The following CALN1 variants were observed in gnomAD, a reference collection of about 807,000 sequenced individuals.
CALN1 encodes the protein calcium-binding protein 8.
CALN1 carries 17 observed loss-of-function variants against 30.6 expected under a neutral mutation model. That is an observed-to-expected ratio of 0.56 (90% CI 0.38 to 0.83). CALN1 has a LOEUF of 0.83. Among genes scored for constraint, CALN1 ranks in the 40% least tolerant of loss-of-function variants. The pLI, the probability that CALN1 is intolerant of heterozygous loss-of-function variation, is 0.00. For synonymous variants in CALN1, 156 were observed against 131.4 expected (o/e 1.19, Z -1.28); for missense variants, 291 against 354.9 (o/e 0.82, Z 1.45).
chr7:72,016,909 T>C (rs1341857390), intron 5 of CALN1, among the ~76,000 whole-genome samples: 1 of 148,972 alleles, frequency 6.7e-6, no homozygotes, highest in Non-Finnish European at 1.5e-5. Context: ...TCCCAACACT[T>C]TGGGAGGCCA....
intron 5 of CALN1, among the ~76,000 whole-genome samples, chr7:71,921,842 C>G (rs548684804): frequency 6.6e-6 from 1 of 151,976 alleles, no homozygotes; most frequent in African/African-American, 2.4e-5. Context: ...CCGCCGCCAT[C>G]CTACCCCCTT....
At chr7:72,218,449 A>AAAAAT (rs1048591489) in intron 3 of CALN1, among the ~76,000 whole-genome samples, 4 of 151,990 alleles carry the variant, frequency 2.6e-5, no homozygotes, top group Non-Finnish European at 4.4e-5. Flanking sequence ...CTCCATCTCA[A>AAAAAT]AAAATAAAAT....
the CALN1 span, among the ~76,000 whole-genome samples, chr7:72,497,708 AG>A: frequency 6.6e-6 from 1 of 152,230 alleles, no homozygotes; most frequent in Admixed American, 6.5e-5. Context: ...CTTCAGAGGA[AG>A]ATAACAGAAT....
At chr7:72,357,403 CTTTT>C (rs112978174) in intron 2 of CALN1, among the ~76,000 whole-genome samples, 3 of 151,972 alleles carry the variant, frequency 2.0e-5, no homozygotes, top group African/African-American at 4.8e-5. Flanking sequence ...TGAGTCCCAG[CTTTT>C]TTATGGTGAA....
intron 4 of CALN1, among the ~76,000 whole-genome samples, chr7:72,064,363 C>T (rs7797779): frequency 0.45 from 68,908 of 151,730 alleles, 15,876 homozygotes; most frequent in East Asian, 0.65. Context: ...TCTATGACCC[C>T]CTCAAGGTGC....
At chr7:71,847,930 C>A (rs943553121) in intron 5 of CALN1, among the ~76,000 whole-genome samples, 10 of 151,970 alleles carry the variant, frequency 6.6e-5, no homozygotes, top group Non-Finnish European at 1.3e-4. Flanking sequence ...TGCCTTTTTT[C>A]TTCTGCCATG....
At chr7:71,888,698 C>T (rs899613464) in intron 5 of CALN1, among the ~76,000 whole-genome samples, 4 of 151,632 alleles carry the variant, frequency 2.6e-5, no homozygotes, top group African/African-American at 9.7e-5. Context: ...TAGGGTAGGT[C>T]GGTGGTTAAC....
intron 5 of CALN1, among the ~76,000 whole-genome samples, chr7:71,874,924 G>A (rs1325693409): frequency 1.3e-5 from 2 of 152,094 alleles, no homozygotes; most frequent in African/African-American, 4.8e-5. Flanking sequence ...CAGCACTTTG[G>A]GAGGCCGAGG....
intron 4 of CALN1, among the ~76,000 whole-genome samples, chr7:72,055,753 T>C (rs907853106): frequency 6.6e-6 from 1 of 152,210 alleles, no homozygotes; most frequent in Non-Finnish European, 1.5e-5. Flanking sequence ...GGCTCACATC[T>C]GTAATGCTAA....
chr7:72,410,147 G>C (rs758795700), intron 1 of CALN1, among the ~76,000 whole-genome samples: 17 of 152,156 alleles, frequency 1.1e-4, no homozygotes, highest in Non-Finnish European at 2.5e-4. Flanking sequence ...CAGAGTGTGA[G>C]CTCCAGCCTG....
chr7:72,213,233 T>A (rs1792538454), intron 3 of CALN1, among the ~76,000 whole-genome samples: 1 of 152,236 alleles, frequency 6.6e-6, no homozygotes, highest in African/African-American at 2.4e-5. Flanking sequence ...TTCTCCGCTC[T>A]AGCAAGTTGT....
chr7:72,380,223 C>A (rs543528615), intron 2 of CALN1, among the ~76,000 whole-genome samples: 1 of 152,254 alleles, frequency 6.6e-6, no homozygotes, highest in Admixed American at 6.5e-5. Flanking sequence ...CACAAATCAG[C>A]AAACGCCAAG....
At chr7:72,108,225 C>T (rs1261438964) in intron 3 of CALN1, among the ~76,000 whole-genome samples, 3 of 152,266 alleles carry the variant, frequency 2.0e-5, no homozygotes, top group Non-Finnish European at 4.4e-5. Context: ...AATTCTCCCT[C>T]TGTCCTGCTC....
Position 72,005,598 on chromosome 7 carries a change from T to C in CALN1, c.501+18059A>G, listed in dbSNP as rs1377815310. Among the ~76,000 whole-genome samples, 5 of 152,262 alleles carry C rather than the reference T, an allele frequency of 3.3e-5. No individual in the cohort carries two copies. The East Asian group carries it at 9.7e-4, about 29-fold the overall frequency. On this transcript the variant is annotated intron_variant, in intron 5 of 6. Coordinates refer to ENST00000395275, the MANE Select transcript of CALN1 (RefSeq NM_031468.4). ...CCCCCCACCTCAGCCTCCCAAGTGC[T>C]AGGCTTATGGACATGAGCCACCCAT...
At chr7:72,238,981 G>C (rs1362247081) in intron 3 of CALN1, among the ~76,000 whole-genome samples, 3 of 152,196 alleles carry the variant, frequency 2.0e-5, no homozygotes, top group Non-Finnish European at 4.4e-5. Flanking sequence ...GCAGGAGAGA[G>C]GGCCCTCAGA....
chr7:72,325,583 G>A (rs369094644), intron 2 of CALN1, among the ~76,000 whole-genome samples: 3 of 152,226 alleles, frequency 2.0e-5, no homozygotes, highest in East Asian at 3.9e-4. Context: ...CCTGGACAAC[G>A]AGATTGAAAC....
the CALN1 span, among the ~76,000 whole-genome samples, chr7:72,470,462 C>A: frequency 6.6e-5 from 10 of 152,104 alleles, no homozygotes; most frequent in Non-Finnish European, 2.9e-5. Flanking sequence ...TTGAGATGAT[C>A]ATGGAAGTGT....
At chr7:72,411,305 G>C (rs764443312) in intron 1 of CALN1, among the ~76,000 whole-genome samples, 3 of 152,078 alleles carry the variant, frequency 2.0e-5, no homozygotes, top group Non-Finnish European at 2.9e-5. Flanking sequence ...TATTTTGACT[G>C]AGCTTTCCAC....
chr7:72,256,988 A>T (rs554620689), intron 3 of CALN1, among the ~76,000 whole-genome samples: 1 of 152,200 alleles, frequency 6.6e-6, no homozygotes, highest in Admixed American at 6.5e-5. Flanking sequence ...TCACACTGCT[A>T]TAAAGACACT....
Sources: gnomAD v4.1 joint callset for allele counts (sites outside exome capture counted in the v4.1 genomes callset) on GRCh38, gnomAD v4.1.1 for gene constraint, MANE v1.5 for transcripts, NCBI Gene and HGNC (gene_info 2026-07-23, HGNC 2026-07-21) for gene names.